The following ITFG1 variants were observed in gnomAD, a reference collection of about 807,000 sequenced individuals.
ITFG1 encodes the protein integrin alpha FG-GAP repeat containing 1.
In ITFG1, 34 loss-of-function variants were observed where a neutral mutation model predicts 81.8. The ratio of observed to expected loss-of-function variants is 0.42; its 90% CI spans 0.32 to 0.55. The LOEUF (loss-of-function observed/expected upper bound fraction) is 0.55. Ranked by LOEUF, ITFG1 falls within the 20% of genes least tolerant of loss-of-function variation. The pLI, the probability that ITFG1 is intolerant of heterozygous loss-of-function variation, is 0.17. For synonymous variants in ITFG1, 285 were observed against 270.6 expected (o/e 1.05, Z -0.52); for missense variants, 672 against 755.4 (o/e 0.89, Z 1.29).
At chr16:47,189,220 T>G (rs573288394) in intron 14 of ITFG1, among the ~76,000 whole-genome samples, 2 of 152,348 alleles carry the variant, frequency 1.3e-5, no homozygotes, top group South Asian at 4.1e-4. Context: ...AATTGGTATA[T>G]AATTCACATA....
At chr16:47,434,028 C>A (rs1969131286) in intron 5 of ITFG1, among the ~76,000 whole-genome samples, 1 of 149,830 alleles carries the variant, frequency 6.7e-6, no homozygotes, top group African/African-American at 2.4e-5. Flanking sequence ...GAAAGTAGAC[C>A]CCTTCCTTAC....
At chr16:47,364,732 T>G (rs145426175) in intron 8 of ITFG1, among the ~76,000 whole-genome samples, 90 of 152,338 alleles carry the variant, frequency 5.9e-4, no homozygotes, top group African/African-American at 2.1e-3. Context: ...GATATGACAT[T>G]ATCAAACCTC....
chr16:47,430,178 C>T (rs140048246), intron 5 of ITFG1, among the ~76,000 whole-genome samples: 236 of 151,680 alleles, frequency 1.6e-3, no homozygotes, highest in Admixed American at 3.4e-3. Flanking sequence ...CTGCCTTAGC[C>T]ACCCAAGTAG....
chr16:47,218,017 G>C (rs775784724), intron 14 of ITFG1: 1 of 152,222 alleles, frequency 6.6e-6, no homozygotes, highest in Non-Finnish European at 1.5e-5. Context: ...CTGTGCTGAA[G>C]CAAGCAGTAC....
chr16:47,341,209 G>A (rs113673771), intron 8 of ITFG1, among the ~76,000 whole-genome samples: 51 of 151,572 alleles, frequency 3.4e-4, no homozygotes, highest in African/African-American at 1.2e-3. Context: ...GGGGCCAGGA[G>A]TTTGAGACCA....
chr16:47,363,356 C>G (rs1968133914), intron 8 of ITFG1, among the ~76,000 whole-genome samples: 1 of 152,032 alleles, frequency 6.6e-6, no homozygotes, highest in Non-Finnish European at 1.5e-5. Context: ...TACACAACCT[C>G]TTCTTTCATT....
At chr16:47,300,786 C>T (rs1046399796) in intron 10 of ITFG1, among the ~76,000 whole-genome samples, 4 of 152,062 alleles carry the variant, frequency 2.6e-5, no homozygotes, top group Non-Finnish European at 4.4e-5. Context: ...TAGCGAGTAC[C>T]GAATTTCAGT....
rs150619553 is a variant in ITFG1, at chr16:47,264,478, T to C, written c.1071-3783A>G. On this transcript the variant is annotated intron_variant, in intron 10 of 17. Transcript: ENST00000320640. Reference sequence around the variant, plus strand: ...TTTTTCCAATGGTTATTCCATTATATGGCCAAGCCATCATTCATTTTAACA... The same window carrying C: ...TTTTTCCAATGGTTATTCCATTATACGGCCAAGCCATCATTCATTTTAACA... Among the ~76,000 whole-genome samples, 39 of 151,990 alleles carry C rather than the reference T, an allele frequency of 2.6e-4. No homozygotes were observed. The East Asian group carries it at 2.7e-3, about 11-fold the overall frequency.
intron 8 of ITFG1, among the ~76,000 whole-genome samples, chr16:47,328,322 G>T (rs1967588620): frequency 6.6e-6 from 1 of 152,088 alleles, no homozygotes; most frequent in African/African-American, 2.4e-5. Flanking sequence ...GGACAGTTGT[G>T]GGGTGGGGGA....
chr16:47,161,386 G>T (rs561039221), intron 16 of ITFG1, among the ~76,000 whole-genome samples: 1 of 152,148 alleles, frequency 6.6e-6, no homozygotes, highest in East Asian at 1.9e-4. Context: ...AACCACTGTG[G>T]GATATATACT....
chr16:47,241,505 T>A (rs896424899), intron 12 of ITFG1, among the ~76,000 whole-genome samples: 3 of 152,232 alleles, frequency 2.0e-5, no homozygotes, highest in South Asian at 2.1e-4. Flanking sequence ...ATAACATGGA[T>A]GAATCTTGAA....
At chr16:47,332,910 C>T (rs563063864) in intron 8 of ITFG1, among the ~76,000 whole-genome samples, 2 of 152,294 alleles carry the variant, frequency 1.3e-5, no homozygotes, top group South Asian at 2.1e-4. Context: ...GAGCAATTTA[C>T]GAGGTTATTC....
At chr16:47,354,309 G>C (rs1350975563) in intron 8 of ITFG1, among the ~76,000 whole-genome samples, 6 of 152,074 alleles carry the variant, frequency 3.9e-5, no homozygotes, top group African/African-American at 1.4e-4. Flanking sequence ...GGAAAGGACA[G>C]TCTCTTCAAT....
intron 7 of ITFG1, among the ~76,000 whole-genome samples, chr16:47,374,478 TATAG>T: frequency 6.6e-6 from 1 of 152,276 alleles, no homozygotes; most frequent in African/African-American, 2.4e-5. Context: ...CATTATGTTC[TATAG>T]ATATTCTACT....
chr16:47,241,839 A>C (rs1227518015), intron 12 of ITFG1, among the ~76,000 whole-genome samples: 3 of 152,086 alleles, frequency 2.0e-5, no homozygotes, highest in Non-Finnish European at 4.4e-5. Flanking sequence ...CTGTAGTCCC[A>C]GCTACTTGAG....
At chr16:47,298,397 G>A (rs949383184) in intron 10 of ITFG1, among the ~76,000 whole-genome samples, 1 of 151,886 alleles carries the variant, frequency 6.6e-6, no homozygotes, top group Non-Finnish European at 1.5e-5. Flanking sequence ...AAATACTTCA[G>A]CATTATTACA....
intron 12 of ITFG1, among the ~76,000 whole-genome samples, chr16:47,244,706 T>A (rs913061048): frequency 6.6e-6 from 1 of 150,624 alleles, no homozygotes; most frequent in African/African-American, 2.4e-5. Context: ...CAAAGTCATA[T>A]GTTGAAGCCC....
intron 6 of ITFG1, among the ~76,000 whole-genome samples, chr16:47,412,960 A>T (rs1315284065): frequency 6.6e-6 from 1 of 152,226 alleles, no homozygotes; most frequent in Non-Finnish European, 1.5e-5. Context: ...GATGCAGTCC[A>T]TAAGATTTCC....
At chr16:47,217,257 C>A (rs553553686) in intron 14 of ITFG1, among the ~76,000 whole-genome samples, 1 of 152,118 alleles carries the variant, frequency 6.6e-6, no homozygotes, top group Admixed American at 6.5e-5. Context: ...TACTTGATTA[C>A]GTTAAGTAAG....
Sources: gnomAD v4.1 joint callset for allele counts (sites outside exome capture counted in the v4.1 genomes callset) on GRCh38, gnomAD v4.1.1 for gene constraint, MANE v1.5 for transcripts, NCBI Gene and HGNC (gene_info 2026-07-23, HGNC 2026-07-21) for gene names.